Variants in TASOR observed in about 807,000 individuals in gnomAD.
TASOR encodes transcription activation suppressor.
In TASOR, 53 loss-of-function variants were observed where a neutral mutation model predicts 178.6. That is an observed-to-expected ratio of 0.30 (90% confidence interval 0.24 to 0.37). TASOR has a LOEUF of 0.37. Ranked by LOEUF, TASOR falls within the 10% of genes least tolerant of loss-of-function variation. The pLI, the probability that TASOR is intolerant of heterozygous loss-of-function variation, is 1.00. For synonymous variants in TASOR, 713 were observed against 696.2 expected (o/e 1.02, Z -0.38); for missense variants, 1,815 against 1,971.4 (o/e 0.92, Z 1.50).
In TASOR at chr3:56,633,940, C is replaced by A. The variant is rs769613949; in HGVS notation, c.2851G>T (p.Val951Leu). The A allele has an allele frequency of 1.7e-5, 26 of 1,551,228 alleles. No individual in the cohort carries two copies. The highest frequency in any genetic ancestry group is 2.7e-5 in the African/African-American group (2 of 73,090). The change falls in exon 18 of 24, where the codon GTG (valine) becomes TTG (leucine). Residue 951 changes from valine to leucine, a missense_variant. Val to Leu is a conservative substitution (Grantham distance 32). Coordinates refer to ENST00000683822, the MANE Select transcript of TASOR (RefSeq NM_001365635.2). ...PGMKSPEEQLVCVPPQEAFPN... is the reference protein window; with the variant it reads ...PGMKSPEEQLLCVPPQEAFPN... ...AAGGCCTCCTGTGGTGGCACACACA[C>A]CAGTTGTTCTTCTGGTGATTTCATA...
At position 56,623,067 on chromosome 3, in the gene TASOR, A is replaced by C. The variant is rs1438454591; in HGVS notation, c.4983T>G (p.Asp1661Glu). The change falls in exon 24 of 24, where the codon GAT becomes GAG. Residue 1661 changes from aspartate (D) to glutamate (E), a missense_variant. Asp to Glu is a conservative substitution (Grantham distance 45). Around this residue, in one of 5 missense-constraint regions of TASOR, gnomAD observed 278 missense variants for 257.1 expected, o/e 1.08. Coordinates refer to ENST00000683822, the MANE Select transcript of TASOR (RefSeq NM_001365635.2). ...SPPPLSWGKS[D>E]SSRPYSQEK ...TCTCTTGTGAATATGGCCTGGAAGAATCACTTTTCCCCCAACTTAAGGGAG... is the reference window on the plus strand; with the variant it reads ...TCTCTTGTGAATATGGCCTGGAAGACTCACTTTTCCCCCAACTTAAGGGAG... 6.3e-7 allele frequency: 1 copy of C among 1,589,922 alleles called. No individual in the cohort carries two copies. The highest frequency in any genetic ancestry group is 1.8e-5 in the Admixed American group (1 of 55,738).
At chr3:56,623,911 T>C in intron 23 of TASOR, 1 of 1,270,620 alleles carries the variant, frequency 7.9e-7, no homozygotes, top group Non-Finnish European at 1.1e-6. Flanking sequence ...ACATCTAGCT[T>C]CACTGGATTA....
intron 8 of TASOR, 134 bp from the exon 9 acceptor site, chr3:56,662,624 G>A: frequency 1.9e-6 from 1 of 518,556 alleles, no homozygotes; most frequent in African/African-American, 2.0e-5. Context: ...AAAAAACAGT[G>A]ACTCTTCTAC....
At chr3:56,661,841 T>C (rs1326373673) in intron 9 of TASOR, among the ~76,000 whole-genome samples, 2 of 152,148 alleles carry the variant, frequency 1.3e-5, no homozygotes, top group Admixed American at 6.6e-5. Flanking sequence ...GAAAAAGTTT[T>C]AGGCTGGGCG....
At chr3:56,635,078 T>C (rs992261075) in intron 17 of TASOR, among the ~76,000 whole-genome samples, 2 of 152,188 alleles carry the variant, frequency 1.3e-5, no homozygotes, top group Non-Finnish European at 1.5e-5. Context: ...CAGGTACAGG[T>C]AGTTTTCAAA....
At chr3:56,631,291 A>T (rs2076906186) in intron 18 of TASOR, among the ~76,000 whole-genome samples, 1 of 152,182 alleles carries the variant, frequency 6.6e-6, no homozygotes, top group Admixed American at 6.5e-5. Context: ...AACTTACAGA[A>T]GGCTTAGGAC....
chr3:56,658,325 C>A (rs142806816), intron 11 of TASOR, among the ~76,000 whole-genome samples: 2 of 152,148 alleles, frequency 1.3e-5, no homozygotes, highest in Non-Finnish European at 2.9e-5. Context: ...AGGTGAGGAA[C>A]GAAATGCCAT....
intron 7 of TASOR, among the ~76,000 whole-genome samples, chr3:56,665,901 G>A (rs527506584): frequency 9.0e-4 from 137 of 152,174 alleles, no homozygotes; most frequent in African/African-American, 3.2e-3. Context: ...CCCGGGAGGC[G>A]GAGCTTGCAG....
At chr3:56,636,253 G>C (rs6445805) in intron 17 of TASOR, among the ~76,000 whole-genome samples, 55,906 of 150,514 alleles carry the variant, frequency 0.37, 10,838 homozygotes, top group East Asian at 0.58. Flanking sequence ...ACTCCAGCCT[G>C]CCTGGGCAAC....
At chr3:56,654,911 T>C (rs1379434788) in intron 11 of TASOR, among the ~76,000 whole-genome samples, 1 of 152,202 alleles carries the variant, frequency 6.6e-6, no homozygotes, top group Admixed American at 6.5e-5. Context: ...TCCAGCTTGT[T>C]AACTGCAGAT....
At chr3:56,639,899 A>G (rs2077088573) in intron 16 of TASOR, 87 bp downstream of exon 16, 2 of 1,206,952 alleles carry the variant, frequency 1.7e-6, no homozygotes, top group Admixed American at 2.6e-5. Flanking sequence ...GTGACCCAAG[A>G]GTGAAATCCA....
intron 11 of TASOR, among the ~76,000 whole-genome samples, chr3:56,657,779 T>C (rs186820403): frequency 1.3e-5 from 2 of 152,354 alleles, no homozygotes; most frequent in Admixed American, 6.5e-5. Context: ...CCTGAAGCGA[T>C]TTTATTTATA....
chr3:56,664,553 A>G (rs2077667383), intron 7 of TASOR, among the ~76,000 whole-genome samples: 2 of 152,254 alleles, frequency 1.3e-5, no homozygotes, highest in African/African-American at 2.4e-5. Flanking sequence ...GGAAGAGAAG[A>G]TAATTTGATC....
chr3:56,658,916 A>G (rs1463635955), intron 11 of TASOR, among the ~76,000 whole-genome samples: 2 of 149,356 alleles, frequency 1.3e-5, no homozygotes, highest in Non-Finnish European at 3.0e-5. Context: ...TCAAAAAAAA[A>G]AGAGAGAGAG....
chr3:56,668,610 T>C (rs1416870042), intron 5 of TASOR, 52 bp from the exon 6 acceptor site: 3 of 1,232,316 alleles, frequency 2.4e-6, no homozygotes, highest in African/African-American at 3.1e-5. Context: ...TTGTTGACTA[T>C]ATAACATTAA....
intron 1 of TASOR, among the ~76,000 whole-genome samples, chr3:56,674,429 G>A (rs1008643466): frequency 6.6e-6 from 1 of 151,798 alleles, no homozygotes; most frequent in Non-Finnish European, 1.5e-5. Flanking sequence ...AGGATCCTTT[G>A]AGCCCAGGAG....
At chr3:56,669,172 A>C (rs991858568) in intron 5 of TASOR, among the ~76,000 whole-genome samples, 2 of 152,162 alleles carry the variant, frequency 1.3e-5, no homozygotes, top group African/African-American at 4.8e-5. Flanking sequence ...TTCTTTGGAA[A>C]GGAAAACAAA....
Position 56,667,593 on chromosome 3 carries a change from G to C in TASOR, c.897+804C>G, listed in dbSNP as rs182640515. On this transcript the variant is annotated intron_variant, in intron 6 of 23. Transcript: ENST00000683822. Reference sequence around the variant, plus strand: ...AATCATTTGAACCTGGGGGGCAGAGGTTGCAGTGAGCCAAGATCACACCAC... The same window carrying C: ...AATCATTTGAACCTGGGGGGCAGAGCTTGCAGTGAGCCAAGATCACACCAC... Among the ~76,000 whole-genome samples, 12 of 152,300 alleles carry C rather than the reference G, an allele frequency of 7.9e-5. 1 individual carries two copies. In the South Asian group the frequency reaches 2.3e-3, roughly 29 times the overall value.
chr3:56,662,169 G>A (rs1009160641), intron 9 of TASOR, among the ~76,000 whole-genome samples: 5 of 151,002 alleles, frequency 3.3e-5, no homozygotes, highest in African/African-American at 1.2e-4. Context: ...TACCGTAAAT[G>A]TACTGACTAG....
Sources: gnomAD v4.1 joint callset for allele counts (sites outside exome capture counted in the v4.1 genomes callset) on GRCh38, gnomAD v4.1.1 for gene constraint, gnomAD v4.1.1 regional missense constraint, MANE v1.5 for transcripts, NCBI Gene and HGNC (gene_info 2026-07-23, HGNC 2026-07-21) for gene names.